Variants in DNAH3 observed in about 807,000 individuals in gnomAD.
DNAH3 encodes the protein axonemal beta dynein heavy chain 3.
In DNAH3, 332 loss-of-function variants were observed where a neutral mutation model predicts 432.5. That is an observed-to-expected ratio of 0.77 (90% CI 0.70 to 0.84). The LOEUF (loss-of-function observed/expected upper bound fraction) is 0.84. Among genes scored for constraint, DNAH3 ranks in the 40% least tolerant of loss-of-function variants. The pLI, the probability that DNAH3 is intolerant of heterozygous loss-of-function variation, is 0.00. For missense variants in DNAH3, 4,861 were observed against 5,114.0 expected (o/e 0.95, Z 1.51); for synonymous variants, 1,956 against 1,900.2 (o/e 1.03, Z -0.76).
chr16:21,122,518 C>T (rs1461447226), intron 9 of DNAH3, among the ~76,000 whole-genome samples: 1 of 152,150 alleles, frequency 6.6e-6, no homozygotes, highest in East Asian at 1.9e-4. Context: ...CGCCGTTACA[C>T]TACAGCCTGG....
chr16:21,146,765 T>C (rs2092789385), intron 1 of DNAH3, among the ~76,000 whole-genome samples: 1 of 117,330 alleles, frequency 8.5e-6, no homozygotes, highest in Non-Finnish European at 1.8e-5. Context: ...TTTTCTTTCT[T>C]TCTTTTTTTT....
intron 55 of DNAH3, among the ~76,000 whole-genome samples, chr16:20,954,338 T>A (rs560762200): frequency 6.6e-6 from 1 of 150,452 alleles, no homozygotes; most frequent in Non-Finnish European, 1.5e-5. Context: ...TCACCCAGGC[T>A]GGAGTGTGGT....
chr16:20,936,725 G>T (rs756728639), exon 60 of DNAH3: 1 of 1,609,498 alleles, frequency 6.2e-7, no homozygotes, highest in East Asian at 2.2e-5. Flanking sequence ...AGACTTGGCT[G>T]CCCACATGGC....
intron 5 of DNAH3, among the ~76,000 whole-genome samples, chr16:21,136,731 G>A (rs1252561995): frequency 6.6e-6 from 1 of 152,140 alleles, no homozygotes; most frequent in Admixed American, 6.5e-5. Context: ...CAAAGCCAGA[G>A]AGATGTCAGT....
At chr16:20,979,598 T>A in intron 49 of DNAH3, 52 bp from the exon 50 acceptor site, 1 of 1,521,318 alleles carries the variant, frequency 6.6e-7, no homozygotes, top group Non-Finnish European at 9.1e-7. Context: ...TCCAGGGAGA[T>A]CCAGTACAGC....
At chr16:20,955,892 C>T (rs1168142922) in intron 54 of DNAH3, among the ~76,000 whole-genome samples, 1 of 151,378 alleles carries the variant, frequency 6.6e-6, no homozygotes, top group Non-Finnish European at 1.5e-5. Flanking sequence ...ATCTGAGGCT[C>T]TTTTTTTTCA....
chr16:21,054,009 G>A (rs2090047114), intron 28 of DNAH3, among the ~76,000 whole-genome samples: 2 of 152,060 alleles, frequency 1.3e-5, no homozygotes, highest in Admixed American at 1.3e-4. Context: ...CAGCAAGTTA[G>A]TTACCTCTCT....
rs77681453 is a variant in DNAH3, at chr16:20,951,507, C to T, written c.11188+926G>A. Among the ~76,000 whole-genome samples, 97 of 150,804 alleles carry T rather than the reference C, an allele frequency of 6.4e-4. 2 individuals are homozygous for T. The East Asian group carries it at 0.017, about 27-fold the overall frequency. On this transcript the variant is annotated intron_variant, in intron 56 of 61. Transcript: ENST00000261383. The stretch of plus-strand genomic sequence containing the variant: ...TCACCCAGGCTGGAGTGGGGTGGCA[C>T]GATCAGAGCTCACCGCACCTCCACA...
At position 21,027,065 on chromosome 16, in the gene DNAH3, G is replaced by C. The variant is rs757061347; in HGVS notation, c.5502C>G (p.Pro1834=). The C allele has an allele frequency of 2.9e-5, 47 of 1,613,708 alleles. No individual in the cohort carries two copies. In the East Asian group the frequency reaches 1.0e-3, roughly 34 times the overall value. The change falls in exon 38 of 62, where the codon CCC becomes CCG. Residue 1834 remains proline (P), a synonymous_variant. Transcript: ENST00000261383. ...CTGGAGAGGCTTGCTCGAGGTCGGC[G>C]GGCTCGAAGATCAGGCTCATCTTGG...
chr16:21,023,411 C>A (rs541477210), intron 39 of DNAH3, among the ~76,000 whole-genome samples: 1 of 152,042 alleles, frequency 6.6e-6, no homozygotes, highest in Admixed American at 6.6e-5. Context: ...GAAACACAAA[C>A]GTGTTATGGT....
chr16:21,084,256 A>G (rs573831495), intron 19 of DNAH3, among the ~76,000 whole-genome samples: 1 of 152,238 alleles, frequency 6.6e-6, no homozygotes, highest in East Asian at 1.9e-4. Flanking sequence ...CCAGCACCAT[A>G]GCTGGTACTC....
At chr16:21,047,818 T>C (rs2089773396) in intron 31 of DNAH3, among the ~76,000 whole-genome samples, 1 of 150,768 alleles carries the variant, frequency 6.6e-6, no homozygotes, top group Non-Finnish European at 1.5e-5. Flanking sequence ...TATCTACTTT[T>C]GGTCTTTGAT....
At chr16:20,988,432 T>C (rs905563709) in intron 44 of DNAH3, among the ~76,000 whole-genome samples, 2 of 152,120 alleles carry the variant, frequency 1.3e-5, no homozygotes, top group African/African-American at 4.8e-5. Context: ...CATTACTTTT[T>C]GAGATGGAGT....
intron 12 of DNAH3, among the ~76,000 whole-genome samples, chr16:21,115,884 A>C (rs1444788144): frequency 6.6e-6 from 1 of 152,164 alleles, no homozygotes; most frequent in Non-Finnish European, 1.5e-5. Context: ...ATATGAGGCC[A>C]TGATTTTTTG....
Position 21,069,560 on chromosome 16 carries a change from T to C in DNAH3, c.3236A>G (p.Asn1079Ser), listed in dbSNP as rs2090704031. 3 of 1,611,514 alleles carry C rather than the reference T, an allele frequency of 1.9e-6. No individual in the cohort carries two copies. The East Asian group carries it at 6.7e-5, about 36-fold the overall frequency. The change falls in exon 23 of 62, where the codon AAT (asparagine) becomes AGT (serine). Residue 1079 changes from asparagine to serine, a missense_variant. By Grantham distance (46) the Asn-to-Ser change is conservative. Coordinates refer to ENST00000261383, the Ensembl canonical transcript of DNAH3. ...TTGGCATTTCAACCAGGCATCCAAA[T>C]TGTCTTGTATGCGAATTAGCTTTTC...
intron 57 of DNAH3, among the ~76,000 whole-genome samples, chr16:20,946,595 T>C (rs181656135): frequency 1.3e-5 from 2 of 152,198 alleles, no homozygotes; most frequent in African/African-American, 2.4e-5. Context: ...CCTTGGCATG[T>C]GACAGGTTGT....
At chr16:21,065,850 G>T (rs551964196) in intron 24 of DNAH3, among the ~76,000 whole-genome samples, 1 of 151,668 alleles carries the variant, frequency 6.6e-6, no homozygotes, top group Admixed American at 6.6e-5. Flanking sequence ...TATTTGAGAC[G>T]GAGTCTTGCT....
exon 6 of DNAH3, chr16:21,136,385 C>A: frequency 6.2e-7 from 1 of 1,614,102 alleles, no homozygotes; most frequent in Non-Finnish European, 8.5e-7. Flanking sequence ...GGACCACCAT[C>A]AGGGGCTCCA....
chr16:21,051,911 G>GA, intron 28 of DNAH3, 43 bp from the exon 29 acceptor site: 1 of 1,550,864 alleles, frequency 6.4e-7, no homozygotes, highest in Non-Finnish European at 8.9e-7. Context: ...AGAGCCATCA[G>GA]AACTCTCCAT....
Sources: allele counts gnomAD v4.1 joint callset (sites outside exome capture counted in the v4.1 genomes callset), GRCh38; gene constraint gnomAD v4.1.1; transcripts MANE v1.5; gene names NCBI Gene and HGNC (gene_info 2026-07-23, HGNC 2026-07-21).